The following ABCA13 variants were observed in gnomAD, a reference collection of about 807,000 sequenced individuals.
ABCA13 encodes the protein ATP-binding cassette sub-family A member 13.
Under a neutral mutation model 478.7 loss-of-function variants are expected in ABCA13, and 476 were observed. That is an observed-to-expected ratio of 0.99 (90% CI 0.92 to 1.07). ABCA13 has a LOEUF of 1.07. Ranked by LOEUF, ABCA13 falls within the 50% of genes least tolerant of loss-of-function variation. The pLI is 0.00. For synonymous variants in ABCA13, 2,252 were observed against 2,158.9 expected, an observed-to-expected ratio of 1.04 and a Z score of -1.20; for missense variants, 6,060 against 5,910.6, an observed-to-expected ratio of 1.03 and a Z score of -0.83.
intron 35 of ABCA13, among the ~76,000 whole-genome samples, chr7:48,383,799 C>T (rs1814760456): frequency 6.6e-6 from 1 of 152,138 alleles, no homozygotes; most frequent in Non-Finnish European, 1.5e-5. Context: ...GTTTTCTGCA[C>T]CTAGTTGGGT....
In ABCA13 at chr7:48,218,966, G is replaced by A. The variant is rs183043170; in HGVS notation, c.288-388G>A. ...GAATTAAAAAACTAAAACATTCTCC[G>A]TAATTATCTCTGTCTCCTCCTCATG... On this transcript the variant is annotated intron_variant, in intron 3 of 61. Transcript: ENST00000435803. Among the ~76,000 whole-genome samples the A allele has an allele frequency of 8.5e-5, 13 of 152,206 alleles. No individual in the cohort carries two copies. The East Asian group carries it at 2.1e-3, about 25-fold the overall frequency.
intron 61 of ABCA13, among the ~76,000 whole-genome samples, chr7:48,645,052 CTT>C (rs1292465649): frequency 2.0e-5 from 3 of 152,148 alleles, no homozygotes; most frequent in Admixed American, 1.3e-4. Flanking sequence ...CCCCACAAGA[CTT>C]TTCGGGGGGG....
chr7:48,275,886 A>G lies in ABCA13; in HGVS notation c.6220A>G (p.Arg2074Gly). Residue 2074 changes from arginine to glycine, a missense_variant, in exon 17 of 62, where the codon AGA becomes GGA. Around this residue, in one of 3 missense-constraint regions of ABCA13, gnomAD observed 4,423 missense variants for 4,309.1 expected, o/e 1.03. Coordinates refer to ENST00000435803, the MANE Select transcript of ABCA13 (RefSeq NM_152701.5). ...QIMKDLTQDFRIRHLLSEMNK... is the reference protein window; with the variant it reads ...QIMKDLTQDFGIRHLLSEMNK... Reference sequence around the variant, plus strand: ...CATGAAAGACCTAACCCAAGATTTTAGAATCAGACACCTGCTTTCTGAAAT... The same window carrying G: ...CATGAAAGACCTAACCCAAGATTTTGGAATCAGACACCTGCTTTCTGAAAT... The G allele has an allele frequency of 1.9e-6, 3 of 1,613,646 alleles. No individual in the cohort carries two copies. Among genetic ancestry groups the G allele is most frequent in the Non-Finnish European group, 2.5e-6 (3 of 1,179,826 alleles).
At position 48,228,821 on chromosome 7, in the gene ABCA13, G is replaced by A. The variant is rs550319306; in HGVS notation, c.633-1004G>A. On this transcript the variant is annotated intron_variant, in intron 6 of 61. Transcript: ENST00000435803. ...AATGCCTCCCTTTGTATTCTTGCCC[G>A]AAGCTCTGACTGTGTTAGCAGTGAA... Among the ~76,000 whole-genome samples, 6 of 152,260 alleles carry A rather than the reference G, an allele frequency of 3.9e-5. 1 individual carries two copies. In the South Asian group the frequency reaches 8.3e-4, roughly 21 times the overall value.
intron 38 of ABCA13, among the ~76,000 whole-genome samples, chr7:48,393,760 G>A (rs1416528626): frequency 6.6e-6 from 1 of 152,166 alleles, no homozygotes; most frequent in Admixed American, 6.5e-5. Context: ...TGCCGTTGGC[G>A]ATATGACCAG....
chr7:48,322,981 A>G (rs1189043264), intron 27 of ABCA13, among the ~76,000 whole-genome samples: 1 of 152,154 alleles, frequency 6.6e-6, no homozygotes, highest in Non-Finnish European at 1.5e-5. Context: ...TTTGCTCAGT[A>G]CGAGGGCTGT....
Position 48,410,977 on chromosome 7 carries a change from CTCTTTCTTTCTTTCTTTCTT to C in ABCA13, c.12228+354_12228+373del, listed in dbSNP as rs551665857. 6.6e-3 allele frequency among the ~76,000 whole-genome samples: 694 copies of C among 104,684 alleles called. 5 individuals are homozygous for C. The highest frequency in any genetic ancestry group is 0.011 in the South Asian group (33 of 2,960). 68.7% of individuals were successfully genotyped at this position (104,684 alleles called of 152,430 possible). ...ACCTATGTATTCTAGAAATTCTTTT[CTCTTTCTTTCTTTCTTTCTT>C]TCTTTCTTTCTTTCTTTCTTTCTTT... On this transcript the variant is annotated intron_variant, in intron 40 of 61. Transcript: ENST00000435803.
At chr7:48,450,080 A>G (rs1043986984) in intron 42 of ABCA13, among the ~76,000 whole-genome samples, 3 of 152,224 alleles carry the variant, frequency 2.0e-5, no homozygotes, top group African/African-American at 7.2e-5. Flanking sequence ...CTTCAAATAG[A>G]TAACCCAGCA....
Position 48,275,443 on chromosome 7 carries a change from C to A in ABCA13, c.5777C>A (p.Pro1926Gln). Residue 1926 changes from proline to glutamine, a missense_variant, in exon 17 of 62, where the codon CCG becomes CAG. Coordinates refer to ENST00000435803, the MANE Select transcript of ABCA13 (RefSeq NM_152701.5). ...CAGAAATTTTGGCATAAGATATTAC[C>A]GTTTGTCCCACCTTCAATAAATCAA... ...TVQKFWHKIL[P>Q]FVPPSINQTR... 2 of 1,613,864 alleles carry A rather than the reference C, an allele frequency of 1.2e-6. No homozygotes were observed. Among genetic ancestry groups the A allele is most frequent in the South Asian group, 1.1e-5 (1 of 91,074 alleles).
At chr7:48,556,985 A>G (rs1785900891) in intron 55 of ABCA13, among the ~76,000 whole-genome samples, 1 of 151,988 alleles carries the variant, frequency 6.6e-6, no homozygotes, top group Admixed American at 6.5e-5. Context: ...AGTTACCGTG[A>G]AGCTTGCAAA....
At chr7:48,507,313 G>A (rs1440776052) in intron 49 of ABCA13, among the ~76,000 whole-genome samples, 2 of 152,210 alleles carry the variant, frequency 1.3e-5, no homozygotes, top group African/African-American at 2.4e-5. Flanking sequence ...GTTGAGAGGA[G>A]GCAGCAATTG....
At chr7:48,458,035 T>C (rs1222210907) in intron 43 of ABCA13, among the ~76,000 whole-genome samples, 1 of 152,218 alleles carries the variant, frequency 6.6e-6, no homozygotes. Context: ...TTAGGAATTC[T>C]CCACTGACAT....
intron 3 of ABCA13, among the ~76,000 whole-genome samples, chr7:48,214,335 T>C (rs976151212): frequency 2.0e-5 from 3 of 152,174 alleles, no homozygotes; most frequent in African/African-American, 4.8e-5. Flanking sequence ...TGATTTAGCA[T>C]AGTTCTTAAG....
rs1795489755 is a variant in ABCA13, at chr7:48,647,366, C to T, written c.*1854C>T. 6.6e-6 allele frequency: 1 copy of T among 152,102 alleles called. No homozygotes were observed. Among genetic ancestry groups the T allele is most frequent in the Non-Finnish European group, 1.5e-5 (1 of 68,014 alleles). The allele number at this position is 152,102 out of a possible 1,614,324, so 9.4% of individuals were successfully genotyped here. A position where few individuals can be genotyped will look rare whatever the true frequency, so the allele number is the denominator to read the frequency against. On this transcript the variant is annotated 3_prime_UTR_variant, in exon 62 of 62. Coordinates refer to ENST00000435803, the MANE Select transcript of ABCA13 (RefSeq NM_152701.5). ...TGGCTGTATGATTTATTCTCTAATT[C>T]TAACATAGTCTAGTTGTCAAAAGGA...
intron 39 of ABCA13, among the ~76,000 whole-genome samples, chr7:48,409,263 T>C (rs1258367522): frequency 6.6e-6 from 1 of 152,208 alleles, no homozygotes; most frequent in Admixed American, 6.5e-5. Context: ...AGCAACATCT[T>C]TTTACATAAC....
intron 1 of ABCA13, among the ~76,000 whole-genome samples, chr7:48,185,891 T>C (rs1267896857): frequency 6.6e-6 from 1 of 152,028 alleles, no homozygotes; most frequent in Non-Finnish European, 1.5e-5. Context: ...TACACGTTCA[T>C]AATATTATTA....
intron 32 of ABCA13, among the ~76,000 whole-genome samples, chr7:48,369,328 G>A (rs532582940): frequency 6.6e-6 from 1 of 151,988 alleles, no homozygotes; most frequent in Non-Finnish European, 1.5e-5. Flanking sequence ...ATTTTCTCCT[G>A]CTCTGTGGGT....
At chr7:48,600,807 C>G (rs6973942) in intron 58 of ABCA13, among the ~76,000 whole-genome samples, 6,484 of 152,206 alleles carry the variant, frequency 0.043, 443 homozygotes, top group African/African-American at 0.15. Context: ...ATCAAAAAGA[C>G]ATATCCACAG....
At chr7:48,605,142 T>C (rs1001004361) in intron 58 of ABCA13, among the ~76,000 whole-genome samples, 1 of 152,162 alleles carries the variant, frequency 6.6e-6, no homozygotes. Context: ...GAGATGGGTC[T>C]CCTGAATAAA....
Sources: allele counts gnomAD v4.1 joint callset (sites outside exome capture counted in the v4.1 genomes callset), GRCh38; gene constraint gnomAD v4.1.1; regional missense constraint gnomAD v4.1.1; transcripts MANE v1.5; gene names NCBI Gene and HGNC (gene_info 2026-07-23, HGNC 2026-07-21).